The following NPHP4 variants were observed in gnomAD, a reference collection of about 807,000 sequenced individuals.
The protein encoded by NPHP4 is nephrocystin-4.
A neutral mutation model predicts 155.8 loss-of-function variants in NPHP4; 151 were observed. The ratio of observed to expected loss-of-function variants is 0.97; its 90% confidence interval spans 0.85 to 1.11. NPHP4 has a LOEUF of 1.11. Ranked by LOEUF, NPHP4 falls within the 50% of genes least tolerant of loss-of-function variation. The probability of loss-of-function intolerance (pLI) is 0.00; values close to 1 mark genes in which losing one functional copy is unlikely to be tolerated. For missense variants in NPHP4, 1,956 were observed against 1,925.7 expected (o/e 1.02, Z -0.29); for synonymous variants, 845 against 816.8 (o/e 1.03, Z -0.59).
rs1332988486 is a variant in NPHP4 at position 5,892,878 on chromosome 1, C to T, written c.2144-1850G>A. 6.6e-6 allele frequency among the ~76,000 whole-genome samples: 1 copy of T among 152,204 alleles called. No individual in the cohort carries two copies. Among genetic ancestry groups the T allele is most frequent in the Admixed American group, 6.5e-5 (1 of 15,280 alleles). On this transcript the variant is annotated intron_variant, in intron 16 of 29. Transcript: ENST00000378156. The surrounding 1 kb of genome is among the most constrained non-coding windows in gnomAD (Gnocchi z 4.5). ...GTCCTCCCCAAGCCCACCTCCTGCA[C>T]CCCCTTCACAAACACCACGCCCCAG... is the stretch of plus-strand genomic sequence containing the variant.
Position 5,893,891 on chromosome 1 carries a change from AG to A in NPHP4, c.2144-2864del, listed in dbSNP as rs1287252545. On this transcript the variant is annotated intron_variant, in intron 16 of 29. Coordinates refer to ENST00000378156, the MANE Select transcript of NPHP4 (RefSeq NM_015102.5). ...TCTGGTGGCCCTGTCTGGGCATAACAGAAGGCTCACACTCTTGTCTTCTGGT... is the reference window on the plus strand; with the variant it reads ...TCTGGTGGCCCTGTCTGGGCATAACAAAGGCTCACACTCTTGTCTTCTGGT... 2.6e-5 allele frequency among the ~76,000 whole-genome samples: 4 copies of A among 152,224 alleles called. No individual in the cohort carries two copies. In the East Asian group the frequency reaches 7.7e-4, roughly 29 times the overall value.
Position 5,867,949 on chromosome 1 carries a change from T to C in NPHP4, c.3316-53A>G. On this transcript the variant is annotated intron_variant, in intron 23 of 29. Coordinates refer to ENST00000378156, the MANE Select transcript of NPHP4 (RefSeq NM_015102.5). This position sits in a 1 kb window ranked among gnomAD's most constrained non-coding sequence, Gnocchi z 4.1. ...GATGGGCACGAGGCTTGTGAGCAGC[T>C]TCTTGTCCCTCCTTAGACAGCACAC... 4 of 1,591,678 alleles carry C rather than the reference T, an allele frequency of 2.5e-6. No homozygotes were observed. The highest frequency in any genetic ancestry group is 3.4e-6 in the Non-Finnish European group (4 of 1,159,812).
At chr1:5,940,185 G>A (rs1407393246) in intron 9 of NPHP4, among the ~76,000 whole-genome samples, 1 of 152,136 alleles carries the variant, frequency 6.6e-6, no homozygotes, top group Non-Finnish European at 1.5e-5. Context: ...CATGAGAGGT[G>A]GTGAGGCCAT....
rs979793028 is a variant in NPHP4, at chr1:5,925,817, G to A, written c.1441+1832C>T. Among the ~76,000 whole-genome samples, 5 of 152,220 alleles carry A rather than the reference G, an allele frequency of 3.3e-5. 1 individual carries two copies. Among genetic ancestry groups the A allele is most frequent in the Admixed American group, 2.6e-4 (4 of 15,292 alleles). On this transcript the variant is annotated intron_variant, in intron 11 of 29. Coordinates refer to ENST00000378156, the MANE Select transcript of NPHP4 (RefSeq NM_015102.5). ...TTTTTAGTAGAGACGGGGTTTCACC[G>A]TGTTAGCCAGAACGGTCTCGATCTC...
Position 5,948,107 on chromosome 1 carries a change from T to C in NPHP4, c.955A>G (p.Ser319Gly). 6.2e-7 allele frequency: 1 copy of C among 1,613,888 alleles called. No individual in the cohort carries two copies. Among genetic ancestry groups the C allele is most frequent in the Non-Finnish European group, 8.5e-7 (1 of 1,179,866 alleles). ...GAGGAGACCACTTTCCTGCTGAAGC[T>C]AGCTGAGCGCGTCAAGGCCACATCC... ...EMDVALTRSA[S>G]FSRKVVSSSK... Residue 319 changes from serine (S) to glycine (G), a missense_variant, in exon 8 of 30, where the codon AGC becomes GGC. Ser to Gly is a moderately conservative substitution (Grantham distance 56). Coordinates refer to ENST00000378156, the MANE Select transcript of NPHP4 (RefSeq NM_015102.5).
intron 6 of NPHP4, among the ~76,000 whole-genome samples, chr1:5,957,510 G>A (rs12074103): frequency 0.046 from 6,889 of 150,808 alleles, 127 homozygotes; most frequent in African/African-American, 0.16. Context: ...AAACAAGACC[G>A]CTGCAACAGT....
intron 20 of NPHP4, among the ~76,000 whole-genome samples, chr1:5,875,689 C>T (rs970494895): frequency 6.6e-6 from 1 of 152,228 alleles, no homozygotes; most frequent in Non-Finnish European, 1.5e-5. Flanking sequence ...GCCTGTTTTT[C>T]CTGTGGGACT....
chr1:5,934,450 C>A (rs558317722), intron 9 of NPHP4, among the ~76,000 whole-genome samples: 2 of 152,174 alleles, frequency 1.3e-5, no homozygotes, highest in Admixed American at 6.5e-5. Flanking sequence ...GTGTCCCATG[C>A]GCAGGAGAAA....
At chr1:5,981,674 T>C (rs552447767) in intron 2 of NPHP4, among the ~76,000 whole-genome samples, 3 of 152,372 alleles carry the variant, frequency 2.0e-5, no homozygotes, top group African/African-American at 4.8e-5. Context: ...CAAACCATCA[T>C]CTATTTCCAA....
Position 5,890,820 on chromosome 1 carries a change from A to G in NPHP4, c.2304+48T>C, listed in dbSNP as rs1197811302. 8.4e-6 allele frequency: 13 copies of G among 1,556,286 alleles called. No homozygotes were observed. The highest frequency in any genetic ancestry group is 1.1e-5 in the Non-Finnish European group (13 of 1,137,084). On this transcript the variant is annotated intron_variant, in intron 17 of 29. Coordinates refer to ENST00000378156, the MANE Select transcript of NPHP4 (RefSeq NM_015102.5). The surrounding 1 kb of genome is among the most constrained non-coding windows in gnomAD (Gnocchi z 4.9). ...AGACGCTGGAAGCGTGACTCGTCCC[A>G]TGAGGGACGCAGCACCCACTGTGCC...
At chr1:5,865,424 C>T (rs932043932) in intron 26 of NPHP4, 151 bp from the exon 27 acceptor site, 58 of 659,238 alleles carry the variant, frequency 8.8e-5, no homozygotes, top group Non-Finnish European at 1.1e-4. Context: ...GAGCTGGGGC[C>T]ACGCAGGGAA....
chr1:5,873,642 G>C (rs894449656), intron 22 of NPHP4: 4 of 479,342 alleles, frequency 8.3e-6, no homozygotes, highest in African/African-American at 8.0e-5. Flanking sequence ...TGAGCCTCTA[G>C]GGACATCTCA....
intron 2 of NPHP4, among the ~76,000 whole-genome samples, chr1:5,979,859 C>T (rs1478759791): frequency 6.6e-6 from 1 of 152,086 alleles, no homozygotes; most frequent in Non-Finnish European, 1.5e-5. Context: ...GCATCTGGGG[C>T]CTCAGTGACG....
chr1:5,983,870 A>G (rs78708894), intron 2 of NPHP4, among the ~76,000 whole-genome samples: 4,613 of 152,258 alleles, frequency 0.03, 83 homozygotes, highest in Non-Finnish European at 0.048. Flanking sequence ...TAGTATGTAC[A>G]TGGTTTATAT....
chr1:5,954,840 G>A (rs1427545167), intron 6 of NPHP4, among the ~76,000 whole-genome samples: 3 of 151,888 alleles, frequency 2.0e-5, no homozygotes, highest in Non-Finnish European at 2.9e-5. Flanking sequence ...AAATAAAACC[G>A]TAAAAGCACA....
chr1:5,907,677 T>C (rs560429834), intron 12 of NPHP4, among the ~76,000 whole-genome samples: 1 of 146,328 alleles, frequency 6.8e-6, no homozygotes, highest in Admixed American at 6.9e-5. Context: ...CAGCTGTGGA[T>C]AGAGTGCCCG....
rs557390431 is a variant in NPHP4, at chr1:5,879,338, G to A, written c.2611+776C>T. The A allele has an allele frequency of 1.7e-5, 6 of 349,922 alleles. No homozygotes were observed. The East Asian group carries it at 2.3e-4, about 13-fold the overall frequency. 21.7% of individuals were successfully genotyped at this position (349,922 alleles called of 1,614,324 possible). A position where few individuals can be genotyped will look rare whatever the true frequency, so the allele number is the denominator to read the frequency against. On this transcript the variant is annotated intron_variant, in intron 19 of 29. Coordinates refer to ENST00000378156, the MANE Select transcript of NPHP4 (RefSeq NM_015102.5). ...AAGTACTTTATACTCAGGTCTGTGAGGCCTTACATTTTAAGGGGATAGAAA... is the reference window on the plus strand; with the variant it reads ...AAGTACTTTATACTCAGGTCTGTGAAGCCTTACATTTTAAGGGGATAGAAA...
intron 9 of NPHP4, among the ~76,000 whole-genome samples, chr1:5,941,375 G>A (rs1321548566): frequency 2.0e-5 from 3 of 147,846 alleles, no homozygotes; most frequent in South Asian, 2.1e-4. Context: ...ACTGGGGAAC[G>A]AAGAAAGGCT....
At chr1:5,970,624 C>T (rs139898961) in intron 3 of NPHP4, among the ~76,000 whole-genome samples, 1 of 151,904 alleles carries the variant, frequency 6.6e-6, no homozygotes, top group African/African-American at 2.4e-5. Context: ...GAGCCCATAC[C>T]CCAACACCCC....
Sources: gnomAD v4.1 joint callset for allele counts (sites outside exome capture counted in the v4.1 genomes callset) on GRCh38, gnomAD v4.1.1 for gene constraint, Gnocchi (gnomAD v3.1) non-coding constraint, MANE v1.5 for transcripts, NCBI Gene and HGNC (gene_info 2026-07-23, HGNC 2026-07-21) for gene names.